Variants in LYRM7 observed in about 807,000 individuals in gnomAD.
LYRM7 encodes the protein complex III assembly factor LYRM7.
Under a neutral mutation model 15.8 loss-of-function variants are expected in LYRM7, and 9 were observed. The ratio of observed to expected loss-of-function variants is 0.57; its 90% confidence interval spans 0.34 to 0.99. The LOEUF is 0.99. Among genes scored for constraint, LYRM7 ranks in the 50% least tolerant of loss-of-function variants. The pLI, the probability that LYRM7 is intolerant of heterozygous loss-of-function variation, is 0.02. For missense variants in LYRM7, 115 were observed against 119.1 expected (o/e 0.97, Z 0.16); for synonymous variants, 39 against 39.4 (o/e 0.99, Z 0.04).
chr5:131,200,269 G>A lies in LYRM7; in HGVS notation c.*668G>A, dbSNP rs1756039007. 6.6e-6 allele frequency: 1 copy of A among 152,228 alleles called. No individual in the cohort carries two copies. Among genetic ancestry groups the A allele is most frequent in the Admixed American group, 6.6e-5 (1 of 15,266 alleles). 9.4% of individuals were successfully genotyped at this position (152,228 alleles called of 1,614,324 possible). ...AATCCTAGTTTAAAGAGGAAATAGT[G>A]GCCCTTGATCAAACTATTTAATATG... On this transcript the variant is annotated 3_prime_UTR_variant, in exon 5 of 5. Coordinates refer to ENST00000379380, the MANE Select transcript of LYRM7 (RefSeq NM_181705.4).
chr5:131,177,241 A>G (rs371917598), intron 1 of LYRM7, among the ~76,000 whole-genome samples: 10 of 152,240 alleles, frequency 6.6e-5, no homozygotes, highest in East Asian at 3.9e-4. Context: ...GTCTTTTGCT[A>G]TAGTCCTGCC....
chr5:131,188,006 C>G (rs898765214), intron 4 of LYRM7, among the ~76,000 whole-genome samples: 5 of 151,954 alleles, frequency 3.3e-5, no homozygotes, highest in African/African-American at 9.7e-5. Context: ...CCTGTAATCC[C>G]AGCACTTTGG....
intron 1 of LYRM7, among the ~76,000 whole-genome samples, chr5:131,172,903 A>C (rs1257061945): frequency 1.3e-5 from 2 of 152,208 alleles, no homozygotes; most frequent in African/African-American, 4.8e-5. Flanking sequence ...GTAAATGAGG[A>C]AGAGAATACA....
chr5:131,172,875 A>G (rs1561541660), intron 1 of LYRM7, among the ~76,000 whole-genome samples: 1 of 152,194 alleles, frequency 6.6e-6, no homozygotes, highest in Non-Finnish European at 1.5e-5. Flanking sequence ...CACTGCCTGA[A>G]TTGTCCAATC....
chr5:131,186,946 A>G (rs568164812), intron 3 of LYRM7, 82 bp from the exon 4 acceptor site: 2 of 770,136 alleles, frequency 2.6e-6, no homozygotes, highest in Non-Finnish European at 4.4e-6. Flanking sequence ...AAGAAATTAT[A>G]GTAAAACTAT....
intron 1 of LYRM7, among the ~76,000 whole-genome samples, chr5:131,176,941 G>T (rs1282868196): frequency 6.6e-6 from 1 of 151,904 alleles, no homozygotes; most frequent in Non-Finnish European, 1.5e-5. Context: ...TTTCTCATTT[G>T]TGTCCTATAA....
intron 1 of LYRM7, chr5:131,171,640 A>T (rs1755524101): frequency 6.6e-6 from 1 of 152,188 alleles, no homozygotes; most frequent in Non-Finnish European, 1.5e-5. Context: ...CCCAAGCATG[A>T]TGCACGTTCC....
Position 131,204,897 on chromosome 5 carries a change from CAGTA to C in LYRM7, c.*5300_*5303del, listed in dbSNP as rs1437294098. On this transcript the variant is annotated 3_prime_UTR_variant, in exon 5 of 5. Transcript: ENST00000379380. The stretch of plus-strand genomic sequence containing the variant: ...AGGAAAAGAGATTTAGGGAAGGAAG[CAGTA>C]AGTGAGAACTTTTATTCTATTTACT... 2 of 152,102 alleles carry C rather than the reference CAGTA, an allele frequency of 1.3e-5. No homozygotes were observed. The highest frequency in any genetic ancestry group is 2.4e-5 in the African/African-American group (1 of 41,370). 9.4% of individuals were successfully genotyped at this position (152,102 alleles called of 1,614,324 possible). A position where few individuals can be genotyped will look rare whatever the true frequency, so the allele number is the denominator to read the frequency against.
intron 1 of LYRM7, among the ~76,000 whole-genome samples, chr5:131,175,195 C>CTCTTT (rs1369872689): frequency 3.8e-5 from 5 of 133,316 alleles, no homozygotes; most frequent in Non-Finnish European, 1.5e-5. Context: ...CAGCTTCAAT[C>CTCTTT]TCTTTTTTTT....
chr5:131,187,483 GTTT>G (rs67748558), intron 4 of LYRM7, among the ~76,000 whole-genome samples: 13,779 of 142,812 alleles, frequency 0.096, 778 homozygotes, highest in South Asian at 0.14. Context: ...TTTTGTTTTT[GTTT>G]TTTTTTTGGG....
At chr5:131,192,994 C>A (rs865866638) in intron 4 of LYRM7, among the ~76,000 whole-genome samples, 11 of 152,132 alleles carry the variant, frequency 7.2e-5, no homozygotes, top group Middle Eastern at 3.4e-3. Flanking sequence ...CCCAGGACTT[C>A]GGGTCATTAT....
intron 4 of LYRM7, among the ~76,000 whole-genome samples, chr5:131,195,210 G>A (rs764587319): frequency 2.2e-4 from 33 of 151,934 alleles, no homozygotes; most frequent in Non-Finnish European, 4.1e-4. Flanking sequence ...AGAGGTTGCA[G>A]TGAGCCGAGA....
chr5:131,199,589 T>A lies in LYRM7; in HGVS notation c.303T>A (p.Thr101=). 1 of 1,603,570 alleles carries A rather than the reference T, an allele frequency of 6.2e-7. No homozygotes were observed. Among genetic ancestry groups the A allele is most frequent in the East Asian group, 2.2e-5 (1 of 44,452 alleles). ...VENVPYCDAP[T]QKQ ...ATGTGCCATATTGTGATGCACCAAC[T>A]CAGAAGCAATGAGTTTTCTAGAATA... The change falls in exon 5 of 5, where the codon ACT becomes ACA. Residue 101 remains threonine, a synonymous_variant. Transcript: ENST00000379380.
chr5:131,177,411 T>A lies in LYRM7; in HGVS notation c.19-2684T>A, dbSNP rs186488139. Among the ~76,000 whole-genome samples, 575 of 152,332 alleles carry A rather than the reference T, an allele frequency of 3.8e-3. 2 individuals carry two copies. Among genetic ancestry groups the A allele is most frequent in the African/African-American group, 0.012 (480 of 41,582 alleles). On this transcript the variant is annotated intron_variant, in intron 1 of 4. Transcript: ENST00000379380. Reference sequence around the variant, plus strand: ...TGGTGGAGGATATTCTTCTGTAGCTTTCCAATAAAGTGTGTATGACAGATA... The same window carrying A: ...TGGTGGAGGATATTCTTCTGTAGCTATCCAATAAAGTGTGTATGACAGATA...
intron 3 of LYRM7, 98 bp downstream of exon 3, chr5:131,182,397 C>T: frequency 1.8e-6 from 2 of 1,108,584 alleles, no homozygotes; most frequent in South Asian, 1.8e-5. Context: ...AAAACCATTA[C>T]TTGATAGTTA....
chr5:131,175,966 G>T (rs1207196756), intron 1 of LYRM7, among the ~76,000 whole-genome samples: 3 of 151,834 alleles, frequency 2.0e-5, no homozygotes, highest in South Asian at 4.2e-4. Flanking sequence ...CACCATGTTG[G>T]CCAGGCTGGT....
intron 4 of LYRM7, among the ~76,000 whole-genome samples, chr5:131,194,632 G>A (rs947930478): frequency 6.6e-6 from 1 of 152,204 alleles, no homozygotes; most frequent in Non-Finnish European, 1.5e-5. Flanking sequence ...GAGAAGAGAA[G>A]TAGCATTGGT....
chr5:131,204,953 T>G lies in LYRM7; in HGVS notation c.*5352T>G, dbSNP rs541936527. The stretch of plus-strand genomic sequence containing the variant: ...CTGCACGTTTAAATATTGTTTACAG[T>G]GAGTATATCAACATGTAAGTGTTAA... On this transcript the variant is annotated 3_prime_UTR_variant, in exon 5 of 5. Transcript: ENST00000379380. 2 of 152,428 alleles carry G rather than the reference T, an allele frequency of 1.3e-5. No homozygotes were observed. Among genetic ancestry groups the G allele is most frequent in the East Asian group, 3.8e-4 (2 of 5,326 alleles). The allele number at this position is 152,428 out of a possible 1,614,324, so 9.4% of individuals were successfully genotyped here. A position where few individuals can be genotyped will look rare whatever the true frequency, so the allele number is the denominator to read the frequency against.
At chr5:131,190,648 G>C (rs533308083) in intron 4 of LYRM7, among the ~76,000 whole-genome samples, 3 of 151,396 alleles carry the variant, frequency 2.0e-5, no homozygotes, top group Non-Finnish European at 4.4e-5. Flanking sequence ...TTGCCACCAC[G>C]CCCAGCTAAT....
Sources: gnomAD v4.1 joint callset for allele counts (sites outside exome capture counted in the v4.1 genomes callset) on GRCh38, gnomAD v4.1.1 for gene constraint, MANE v1.5 for transcripts, NCBI Gene and HGNC (gene_info 2026-07-23, HGNC 2026-07-21) for gene names.